Variants in TAFA1 observed in about 807,000 individuals in gnomAD.
TAFA1 encodes TAFA chemokine like family member 1.
In TAFA1, 4 loss-of-function variants were observed where a neutral mutation model predicts 18.5. That is an observed-to-expected ratio of 0.22 (90% CI 0.11 to 0.49). The LOEUF is 0.49. Ranked by LOEUF, TAFA1 falls within the 20% of genes least tolerant of loss-of-function variation. The pLI is 0.98. For synonymous variants in TAFA1, 56 were observed against 55.2 expected, an observed-to-expected ratio of 1.01 and a Z score of -0.06; for missense variants, 147 against 169.0, an observed-to-expected ratio of 0.87 and a Z score of 0.72.
intron 2 of TAFA1, among the ~76,000 whole-genome samples, chr3:68,161,611 G>T (rs1484230377): frequency 1.3e-5 from 2 of 152,098 alleles, no homozygotes; most frequent in South Asian, 2.1e-4. Context: ...AATCTTTAAG[G>T]TAGGCAGGAT....
At chr3:68,428,770 G>A (rs2071108172) in intron 3 of TAFA1, among the ~76,000 whole-genome samples, 3 of 151,898 alleles carry the variant, frequency 2.0e-5, no homozygotes, top group Admixed American at 1.3e-4. Flanking sequence ...AAATGATTGG[G>A]CAATTAACTA....
chr3:68,133,411 A>G (rs144460367), intron 2 of TAFA1, among the ~76,000 whole-genome samples: 2,624 of 152,200 alleles, frequency 0.017, 82 homozygotes, highest in African/African-American at 0.057. Flanking sequence ...AAGAAAGTCA[A>G]TGGTAGCTTG....
At chr3:68,287,571 C>T (rs1171117044) in intron 2 of TAFA1, among the ~76,000 whole-genome samples, 1 of 152,158 alleles carries the variant, frequency 6.6e-6, no homozygotes, top group South Asian at 2.1e-4. Context: ...CTGTGAGAAC[C>T]TTCTCACCAC....
intron 2 of TAFA1, among the ~76,000 whole-genome samples, chr3:68,294,141 A>G (rs950662853): frequency 6.6e-6 from 1 of 152,198 alleles, no homozygotes; most frequent in African/African-American, 2.4e-5. Context: ...ATAAACAACA[A>G]CAATAATTCA....
intron 2 of TAFA1, among the ~76,000 whole-genome samples, chr3:68,241,194 A>G (rs535509122): frequency 1.3e-5 from 2 of 152,296 alleles, no homozygotes; most frequent in East Asian, 3.9e-4. Flanking sequence ...ATAAAATTGC[A>G]AATAAGAATA....
intron 2 of TAFA1, among the ~76,000 whole-genome samples, chr3:68,299,679 C>T (rs1171905688): frequency 6.6e-6 from 1 of 152,186 alleles, no homozygotes; most frequent in Non-Finnish European, 1.5e-5. Flanking sequence ...CCATTACAGG[C>T]CTGGAGGCCT....
At chr3:68,513,203 T>C (rs1001142747) in intron 3 of TAFA1, among the ~76,000 whole-genome samples, 1 of 152,138 alleles carries the variant, frequency 6.6e-6, no homozygotes, top group Admixed American at 6.6e-5. Context: ...AGTCAGATCT[T>C]CTAACTCTTT....
chr3:68,045,419 TG>T (rs1251157207), intron 2 of TAFA1, among the ~76,000 whole-genome samples: 2 of 152,212 alleles, frequency 1.3e-5, no homozygotes, highest in Non-Finnish European at 2.9e-5. Context: ...GCTGAAGGAC[TG>T]GGACCAATAA....
intron 2 of TAFA1, among the ~76,000 whole-genome samples, chr3:68,155,250 A>G (rs73834859): frequency 0.046 from 6,960 of 152,252 alleles, 187 homozygotes; most frequent in East Asian, 0.09. Context: ...GCAGTGCCTG[A>G]TCAGTGGGGA....
chr3:68,045,920 C>T (rs552881341), intron 2 of TAFA1, among the ~76,000 whole-genome samples: 1 of 152,308 alleles, frequency 6.6e-6, no homozygotes, highest in Non-Finnish European at 1.5e-5. Flanking sequence ...TGTAAATAAT[C>T]TGAAGTAGCA....
chr3:68,066,445 A>G (rs987194292), intron 2 of TAFA1, among the ~76,000 whole-genome samples: 1 of 152,222 alleles, frequency 6.6e-6, no homozygotes, highest in Non-Finnish European at 1.5e-5. Flanking sequence ...TGTAAGCACT[A>G]TGCTTCTGCT....
chr3:68,349,389 G>T (rs262220), intron 2 of TAFA1, among the ~76,000 whole-genome samples: 1 of 151,644 alleles, frequency 6.6e-6, no homozygotes, highest in East Asian at 2.0e-4. Context: ...AAGGTGTTAC[G>T]GAAATAAAGA....
chr3:68,184,182 T>G (rs2106994232), intron 2 of TAFA1, among the ~76,000 whole-genome samples: 1 of 152,264 alleles, frequency 6.6e-6, no homozygotes, highest in East Asian at 1.9e-4. Flanking sequence ...TTCTGCGAAT[T>G]TCCGTGAATA....
chr3:68,263,134 G>A (rs114251322), intron 2 of TAFA1, among the ~76,000 whole-genome samples: 78 of 152,156 alleles, frequency 5.1e-4, no homozygotes, highest in Non-Finnish European at 9.7e-4. Flanking sequence ...GTCTTACTAT[G>A]ATGCCCAGGC....
At position 68,053,051 on chromosome 3, in the gene TAFA1, T is replaced by C. The variant is rs112407808; in HGVS notation, c.118+46307T>C. On this transcript the variant is annotated intron_variant, in intron 2 of 4. Transcript: ENST00000478136. ...CTTTCTCCTGAAAGACAATCAAAAG[T>C]GTGTGGGTACCCAGTGAAATCAGAT... Among the ~76,000 whole-genome samples the C allele has an allele frequency of 2.5e-3, 377 of 152,234 alleles. 3 individuals carry two copies. The highest frequency in any genetic ancestry group is 8.5e-3 in the African/African-American group (353 of 41,554).
chr3:68,036,580 C>G (rs750599398), intron 2 of TAFA1, among the ~76,000 whole-genome samples: 1 of 152,062 alleles, frequency 6.6e-6, no homozygotes, highest in Non-Finnish European at 1.5e-5. Context: ...ACCTCTCTTT[C>G]AAGTTGAGGA....
chr3:68,495,598 C>G (rs1242313588), intron 3 of TAFA1, among the ~76,000 whole-genome samples: 1 of 152,062 alleles, frequency 6.6e-6, no homozygotes, highest in African/African-American at 2.4e-5. Flanking sequence ...GAAATGTATA[C>G]AAGATGCGTG....
intron 2 of TAFA1, among the ~76,000 whole-genome samples, chr3:68,224,685 T>G (rs2066774109): frequency 6.6e-6 from 1 of 152,142 alleles, no homozygotes. Flanking sequence ...TGGCAGTTCC[T>G]TTCATTGCTC....
chr3:68,298,575 A>C (rs1459303905), intron 2 of TAFA1, among the ~76,000 whole-genome samples: 2 of 152,184 alleles, frequency 1.3e-5, no homozygotes, highest in African/African-American at 4.8e-5. Flanking sequence ...CACAATCCCC[A>C]TGTGTCAAGG....
Sources: allele counts gnomAD v4.1 joint callset (sites outside exome capture counted in the v4.1 genomes callset), GRCh38; gene constraint gnomAD v4.1.1; transcripts MANE v1.5; gene names NCBI Gene and HGNC (gene_info 2026-07-23, HGNC 2026-07-21).